The following UVRAG variants were observed in gnomAD, a reference collection of about 807,000 sequenced individuals.
UVRAG encodes UV radiation resistance-associated gene protein.
A neutral mutation model predicts 78.0 loss-of-function variants in UVRAG; 19 were observed. That is an observed-to-expected ratio of 0.24 (90% CI 0.17 to 0.36). UVRAG has a LOEUF of 0.36. Among genes scored for constraint, UVRAG ranks in the 10% least tolerant of loss-of-function variants. UVRAG has a pLI of 1.00. For missense variants in UVRAG, 740 were observed against 853.8 expected (o/e 0.87, Z 1.66); for synonymous variants, 323 against 324.6 (o/e 1.00, Z 0.05).
At chr11:76,100,878 C>T (rs571229678) in intron 13 of UVRAG, among the ~76,000 whole-genome samples, 2 of 152,194 alleles carry the variant, frequency 1.3e-5, no homozygotes, top group South Asian at 2.1e-4. Context: ...TCTCATCCTG[C>T]GTTAGTTTGC....
chr11:75,834,250 T>C (rs1945727959), intron 1 of UVRAG, among the ~76,000 whole-genome samples: 1 of 151,924 alleles, frequency 6.6e-6, no homozygotes, highest in Non-Finnish European at 1.5e-5. Flanking sequence ...CAGACCCTGC[T>C]CCCTTAAAAA....
At chr11:75,969,196 C>G (rs1162528240) in intron 7 of UVRAG, among the ~76,000 whole-genome samples, 1 of 152,160 alleles carries the variant, frequency 6.6e-6, no homozygotes, top group Non-Finnish European at 1.5e-5. Context: ...GTCTCCGTGA[C>G]TTTGACTGTA....
intron 12 of UVRAG, among the ~76,000 whole-genome samples, chr11:76,018,673 C>G (rs1453626999): frequency 6.6e-6 from 1 of 152,208 alleles, no homozygotes; most frequent in African/African-American, 2.4e-5. Context: ...TTCCAGAGTA[C>G]TGGGATTACA....
At chr11:75,851,130 C>T (rs1946145151) in intron 1 of UVRAG, among the ~76,000 whole-genome samples, 2 of 152,326 alleles carry the variant, frequency 1.3e-5, no homozygotes, top group Middle Eastern at 3.4e-3. Context: ...CAGACTTCAG[C>T]GTTGCCAACA....
chr11:75,950,003 G>A (rs1042468528), intron 6 of UVRAG, among the ~76,000 whole-genome samples: 3 of 151,940 alleles, frequency 2.0e-5, no homozygotes, highest in East Asian at 3.9e-4. Context: ...GGAGTCATAC[G>A]GGGCACTCTT....
intron 8 of UVRAG, among the ~76,000 whole-genome samples, chr11:75,995,005 A>T (rs1949677637): frequency 6.6e-6 from 1 of 152,188 alleles, no homozygotes; most frequent in Non-Finnish European, 1.5e-5. Context: ...AAAACAAAAA[A>T]TTCTGAATTA....
chr11:75,822,735 G>A lies in UVRAG; in HGVS notation c.117+7211G>A, dbSNP rs547173116. ...AGCAGCCAGATGGAAGATATCATAGGGAACAGTATGGGGGAAGTGGCCCAG... is the reference window on the plus strand; with the variant it reads ...AGCAGCCAGATGGAAGATATCATAGAGAACAGTATGGGGGAAGTGGCCCAG... On this transcript the variant is annotated intron_variant, in intron 1 of 14. Coordinates refer to ENST00000356136, the MANE Select transcript of UVRAG (RefSeq NM_003369.4). Among the ~76,000 whole-genome samples, 67 of 151,964 alleles carry A rather than the reference G, an allele frequency of 4.4e-4. 1 individual carries two copies. The South Asian group carries it at 0.014, about 31-fold the overall frequency.
At chr11:76,048,872 A>G (rs1384554585) in intron 12 of UVRAG, among the ~76,000 whole-genome samples, 2 of 152,216 alleles carry the variant, frequency 1.3e-5, no homozygotes, top group Non-Finnish European at 2.9e-5. Context: ...CCATTATTGA[A>G]AAGTTGATTT....
chr11:75,930,548 T>TA (rs1948211674), intron 6 of UVRAG, among the ~76,000 whole-genome samples: 1 of 152,228 alleles, frequency 6.6e-6, no homozygotes, highest in Non-Finnish European at 1.5e-5. Context: ...AAAAGTTTTA[T>TA]AATTGCTCTG....
intron 6 of UVRAG, among the ~76,000 whole-genome samples, chr11:75,954,615 T>A (rs1482559992): frequency 6.6e-6 from 1 of 152,234 alleles, no homozygotes; most frequent in African/African-American, 2.4e-5. Flanking sequence ...AAATGTCAAA[T>A]TTTGGGACTG....
chr11:76,013,623 TA>T (rs956075499), intron 11 of UVRAG, among the ~76,000 whole-genome samples: 20 of 152,242 alleles, frequency 1.3e-4, no homozygotes, highest in Non-Finnish European at 2.5e-4. Context: ...CTGGAAACCT[TA>T]AACCTTTTGG....
At position 76,007,529 on chromosome 11, in the gene UVRAG, A is replaced by G. The variant is rs1293495572; in HGVS notation, c.912-5A>G. 1.2e-6 allele frequency: 2 copies of G among 1,606,800 alleles called. No homozygotes were observed. The highest frequency in any genetic ancestry group is 1.7e-5 in the Admixed American group (1 of 59,322). ...TAATAAATGTATTTTTTCTTTCCTCATTAGAGAACTCTTCTTGAAGACTAA... is the reference window on the plus strand; with the variant it reads ...TAATAAATGTATTTTTTCTTTCCTCGTTAGAGAACTCTTCTTGAAGACTAA... On this transcript the variant is annotated splice_region_variant and splice_polypyrimidine_tract_variant and intron_variant, in intron 9 of 14. Transcript: ENST00000356136.
chr11:75,951,359 G>GTATA (rs987229092), intron 6 of UVRAG, among the ~76,000 whole-genome samples: 1 of 118,778 alleles, frequency 8.4e-6, no homozygotes, highest in Non-Finnish European at 1.8e-5. Context: ...GTGTGTGTGT[G>GTATA]TATATATTTT....
chr11:75,819,824 C>T (rs1360265520), intron 1 of UVRAG, among the ~76,000 whole-genome samples: 1 of 151,862 alleles, frequency 6.6e-6, no homozygotes, highest in East Asian at 2.0e-4. Context: ...GAAAAATTAG[C>T]CAGGTGTGGT....
intron 1 of UVRAG, among the ~76,000 whole-genome samples, chr11:75,825,018 G>A (rs7106736): frequency 0.21 from 31,434 of 151,992 alleles, 5,282 homozygotes; most frequent in African/African-American, 0.47. Flanking sequence ...GCTACAAACT[G>A]AAGGTGTTTT....
chr11:76,011,338 C>T (rs1244996145), intron 11 of UVRAG, among the ~76,000 whole-genome samples: 1 of 152,172 alleles, frequency 6.6e-6, no homozygotes, highest in African/African-American at 2.4e-5. Context: ...AAAAATCTTA[C>T]ATTGGCCGGG....
chr11:75,822,782 C>T (rs1223704806), intron 1 of UVRAG, among the ~76,000 whole-genome samples: 1 of 152,032 alleles, frequency 6.6e-6, no homozygotes, highest in Non-Finnish European at 1.5e-5. Flanking sequence ...CCTCTCATGG[C>T]AGCTCCACCC....
At chr11:75,854,981 C>T (rs1431050591) in intron 2 of UVRAG, among the ~76,000 whole-genome samples, 1 of 152,064 alleles carries the variant, frequency 6.6e-6, no homozygotes, top group Non-Finnish European at 1.5e-5. Flanking sequence ...CCCAGTGTTA[C>T]CTCTGATAAT....
At chr11:75,867,758 A>G (rs1012651730) in intron 3 of UVRAG, among the ~76,000 whole-genome samples, 1 of 152,228 alleles carries the variant, frequency 6.6e-6, no homozygotes, top group Non-Finnish European at 1.5e-5. Context: ...TTCTGTTTAC[A>G]TGGTTGTGAA....
Sources: gnomAD v4.1 joint callset for allele counts (sites outside exome capture counted in the v4.1 genomes callset) on GRCh38, gnomAD v4.1.1 for gene constraint, MANE v1.5 for transcripts, NCBI Gene and HGNC (gene_info 2026-07-23, HGNC 2026-07-21) for gene names.